Variants in ADK observed in about 807,000 individuals in gnomAD.
ADK encodes the protein adenosine kinase, also known as N6,N6-dimethyladenosine kinase.
In ADK, 24 loss-of-function variants were observed where a neutral mutation model predicts 44.7. That is an observed-to-expected ratio of 0.54 (90% confidence interval 0.39 to 0.76). The LOEUF is 0.76. Ranked by LOEUF, ADK falls within the 30% of genes least tolerant of loss-of-function variation. The pLI is 0.00. For synonymous variants in ADK, 128 were observed against 142.6 expected (o/e 0.90, Z 0.73); for missense variants, 321 against 425.1 (o/e 0.76, Z 2.15).
chr10:74,602,380 G>A lies in ADK; in HGVS notation c.877+1887G>A, dbSNP rs3758511. On this transcript the variant is annotated intron_variant, in intron 9 of 10. Coordinates refer to ENST00000539909, the MANE Select transcript of ADK (RefSeq NM_006721.4). The stretch of plus-strand genomic sequence containing the variant: ...ATACAGGCTTCTTATAGGAATTGTA[G>A]TACTACCTTCAGATTTACAAAATAT... Among the ~76,000 whole-genome samples, 59 of 152,218 alleles carry A rather than the reference G, an allele frequency of 3.9e-4. No homozygotes were observed. The East Asian group carries it at 0.011, about 28-fold the overall frequency.
At chr10:74,311,456 C>T (rs544521658) in intron 3 of ADK, among the ~76,000 whole-genome samples, 2 of 152,030 alleles carry the variant, frequency 1.3e-5, no homozygotes, top group Non-Finnish European at 2.9e-5. Flanking sequence ...CTAAATTTGC[C>T]CATTTCCACC....
chr10:74,176,252 G>C (rs577813146), intron 1 of ADK, among the ~76,000 whole-genome samples: 2 of 152,146 alleles, frequency 1.3e-5, no homozygotes, highest in Non-Finnish European at 2.9e-5. Context: ...CAAAGGCTGC[G>C]GACTGGAATT....
At chr10:74,304,758 T>C (rs1458488334) in intron 3 of ADK, among the ~76,000 whole-genome samples, 1 of 152,244 alleles carries the variant, frequency 6.6e-6, no homozygotes, top group East Asian at 1.9e-4. Flanking sequence ...CAGCAATTCT[T>C]ATTTAATCTT....
intron 3 of ADK, among the ~76,000 whole-genome samples, chr10:74,305,872 A>G (rs1364596168): frequency 6.6e-6 from 1 of 152,040 alleles, no homozygotes; most frequent in Non-Finnish European, 1.5e-5. Context: ...GACTACAGGC[A>G]TGCATCACTA....
chr10:74,356,761 G>A (rs975851589), intron 4 of ADK, among the ~76,000 whole-genome samples: 2 of 152,138 alleles, frequency 1.3e-5, no homozygotes, highest in Non-Finnish European at 2.9e-5. Flanking sequence ...ATTTACAGAT[G>A]GGAACCAGAG....
intron 3 of ADK, among the ~76,000 whole-genome samples, chr10:74,239,170 T>A (rs959955387): frequency 2.0e-5 from 3 of 148,030 alleles, no homozygotes; most frequent in African/African-American, 7.5e-5. Flanking sequence ...CAGTTACTTA[T>A]TTTTTTTTTC....
chr10:74,195,320 GT>G, intron 1 of ADK, among the ~76,000 whole-genome samples: 1 of 152,084 alleles, frequency 6.6e-6, no homozygotes, highest in Non-Finnish European at 1.5e-5. Flanking sequence ...CTGGACACTA[GT>G]TTATATGTGT....
chr10:74,207,020 G>A (rs574741262), intron 2 of ADK, among the ~76,000 whole-genome samples: 5 of 152,286 alleles, frequency 3.3e-5, no homozygotes, highest in East Asian at 1.9e-4. Context: ...GCAGAGTGGC[G>A]TGGCAAAGAG....
intron 10 of ADK, among the ~76,000 whole-genome samples, chr10:74,681,101 T>C (rs888534215): frequency 2.6e-5 from 4 of 152,218 alleles, no homozygotes; most frequent in African/African-American, 9.6e-5. Flanking sequence ...AATGTTACCA[T>C]CATCTTATCC....
chr10:74,242,894 G>A (rs1457684545), intron 3 of ADK, among the ~76,000 whole-genome samples: 1 of 152,026 alleles, frequency 6.6e-6, no homozygotes, highest in Non-Finnish European at 1.5e-5. Flanking sequence ...TACTCTTCCC[G>A]TCCCCTCTCC....
In ADK at chr10:74,482,614, G is replaced by A. The variant is rs186052308; in HGVS notation, c.556-42642G>A. Among the ~76,000 whole-genome samples, 459 of 152,160 alleles carry A rather than the reference G, an allele frequency of 3.0e-3. 1 individual carries two copies. Among genetic ancestry groups the A allele is most frequent in the Non-Finnish European group, 4.2e-3 (287 of 68,014 alleles). On this transcript the variant is annotated intron_variant, in intron 6 of 10. Transcript: ENST00000539909. ...AATCTGAAGTCTAATCAGAGACAAGGCAATCTCTTCCACCTCTGAGCCTGT... is the reference window on the plus strand; with the variant it reads ...AATCTGAAGTCTAATCAGAGACAAGACAATCTCTTCCACCTCTGAGCCTGT...
rs938016227 is a variant in ADK at position 74,208,709 on chromosome 10, G to GTA, written c.140+7881_140+7882dup. ...AGATAAGTATTTAGATAAGTACTATGTATATATATATTTTTTATTTTTTTA... is the reference window on the plus strand; with the variant it reads ...AGATAAGTATTTAGATAAGTACTATGTATATATATATATTTTTTATTTTTTTA... On this transcript the variant is annotated intron_variant, in intron 2 of 10. Coordinates refer to ENST00000539909, the MANE Select transcript of ADK (RefSeq NM_006721.4). Among the ~76,000 whole-genome samples the GTA allele has an allele frequency of 7.9e-5, 12 of 151,514 alleles. 1 individual carries two copies. In the South Asian group the frequency reaches 1.9e-3, roughly 24 times the overall value.
intron 7 of ADK, chr10:74,527,860 T>C (rs1849118851): frequency 1.1e-6 from 1 of 949,142 alleles, no homozygotes; most frequent in South Asian, 1.3e-5. Flanking sequence ...GCCAGCCAGA[T>C]CTCTAACATA....
At chr10:74,590,861 A>T (rs1249236095) in intron 8 of ADK, among the ~76,000 whole-genome samples, 4 of 152,088 alleles carry the variant, frequency 2.6e-5, no homozygotes, top group Non-Finnish European at 5.9e-5. Flanking sequence ...AGTTTTACTG[A>T]TTTTAAGTTT....
rs927553621 is a variant in ADK at position 74,326,444 on chromosome 10, A to G, written c.273+11699A>G. 2.6e-4 allele frequency among the ~76,000 whole-genome samples: 39 copies of G among 152,006 alleles called. No homozygotes were observed. The South Asian group carries it at 7.9e-3, about 31-fold the overall frequency. ...ACCTTGTTTCTACAAAAAAAAAAAA[A>G]AAAAATTAGCTTGGTGTGGTGGTAC... On this transcript the variant is annotated intron_variant, in intron 4 of 10. Coordinates refer to ENST00000539909, the MANE Select transcript of ADK (RefSeq NM_006721.4).
chr10:74,528,511 A>G (rs1193971256), intron 7 of ADK, among the ~76,000 whole-genome samples: 1 of 152,060 alleles, frequency 6.6e-6, no homozygotes, highest in East Asian at 1.9e-4. Flanking sequence ...AATGGAAAAA[A>G]TAGATAAATT....
At chr10:74,700,857 A>G (rs1385822469) in intron 10 of ADK, among the ~76,000 whole-genome samples, 1 of 152,200 alleles carries the variant, frequency 6.6e-6, no homozygotes, top group Non-Finnish European at 1.5e-5. Flanking sequence ...TAAATCAATA[A>G]GGATAGAATG....
intron 7 of ADK, among the ~76,000 whole-genome samples, chr10:74,567,203 C>T (rs1399388830): frequency 6.6e-6 from 1 of 152,136 alleles, no homozygotes; most frequent in Non-Finnish European, 1.5e-5. Flanking sequence ...GTTCATTACA[C>T]TGTATCTTGG....
At position 74,259,982 on chromosome 10, in the gene ADK, C is replaced by A. The variant is rs550853426; in HGVS notation, c.194+35391C>A. Among the ~76,000 whole-genome samples the A allele has an allele frequency of 7.2e-5, 11 of 151,816 alleles. No homozygotes were observed. In the South Asian group the frequency reaches 2.3e-3, roughly 32 times the overall value. On this transcript the variant is annotated intron_variant, in intron 3 of 10. Coordinates refer to ENST00000539909, the MANE Select transcript of ADK (RefSeq NM_006721.4). Reference sequence around the variant, plus strand: ...ACTATGTATGTTAAGTGCATTTTACCCTTTTGAGAGAGTTTTAGTAACAAG... The same window carrying A: ...ACTATGTATGTTAAGTGCATTTTACACTTTTGAGAGAGTTTTAGTAACAAG...
Sources: allele counts gnomAD v4.1 joint callset (sites outside exome capture counted in the v4.1 genomes callset), GRCh38; gene constraint gnomAD v4.1.1; transcripts MANE v1.5; gene names NCBI Gene and HGNC (gene_info 2026-07-23, HGNC 2026-07-21).